DIP2A: variants seen among roughly 807,000 people sequenced by gnomAD.
The protein encoded by DIP2A is disco-interacting protein 2 homolog A.
DIP2A carries 85 observed loss-of-function variants against 177.4 expected under a neutral mutation model. The observed-to-expected ratio is 0.48, with a 90% CI of 0.40 to 0.57. The LOEUF (loss-of-function observed/expected upper bound fraction) is 0.57. Ranked by LOEUF, DIP2A falls within the 20% of genes least tolerant of loss-of-function variation. DIP2A has a pLI of 0.00. For synonymous variants in DIP2A, 886 were observed against 881.8 expected, an observed-to-expected ratio of 1.00 and a Z score of -0.08; for missense variants, 1,791 against 2,100.2, an observed-to-expected ratio of 0.85 and a Z score of 2.88.
rs1168661596 is a variant in DIP2A at position 46,557,513 on chromosome 21, G to A, written c.3630-72G>A. 20 of 1,504,114 alleles carry A rather than the reference G, an allele frequency of 1.3e-5. No homozygotes were observed. The highest frequency in any genetic ancestry group is 1.8e-5 in the Non-Finnish European group (20 of 1,114,906). 93.2% of individuals were successfully genotyped at this position (1,504,114 alleles called of 1,614,324 possible). A position where few individuals can be genotyped will look rare whatever the true frequency, so the allele number is the denominator to read the frequency against. ...TTGTGGCTGGAAAAGAAGTGTTCTTGAGGAAGGGAAGAGTGGAGTGCCCAG... is the reference window on the plus strand; with the variant it reads ...TTGTGGCTGGAAAAGAAGTGTTCTTAAGGAAGGGAAGAGTGGAGTGCCCAG... On this transcript the variant is annotated intron_variant, in intron 30 of 37. Transcript: ENST00000417564. The surrounding 1 kb of genome is among the most constrained non-coding windows in gnomAD (Gnocchi z 6.0).
chr21:46,486,865 A>G (rs1414037413), intron 2 of DIP2A, among the ~76,000 whole-genome samples: 1 of 152,244 alleles, frequency 6.6e-6, no homozygotes, highest in Non-Finnish European at 1.5e-5. Flanking sequence ...TCAAATACCC[A>G]TCAACAGAAT....
intron 12 of DIP2A, 54 bp downstream of exon 12, chr21:46,534,167 T>A: frequency 1.4e-6 from 2 of 1,417,404 alleles, no homozygotes; most frequent in Non-Finnish European, 2.0e-6. Flanking sequence ...CAGGCTTAAG[T>A]CTTGCTTTTC....
chr21:46,484,744 ATTG>A lies in DIP2A; in HGVS notation c.92-7_92-5del. ...TAGAAGAAATGCAATTCTTTTTTCC[ATTG>A]TTGTTTTAGGTGACATCACTCAAAA... On this transcript the variant is annotated splice_polypyrimidine_tract_variant and intron_variant, in intron 1 of 37. Coordinates refer to ENST00000417564, the MANE Select transcript of DIP2A (RefSeq NM_015151.4). The A allele has an allele frequency of 6.5e-7, 1 of 1,547,078 alleles. No homozygotes were observed. Among genetic ancestry groups the A allele is most frequent in the Non-Finnish European group, 8.7e-7 (1 of 1,149,268 alleles).
intron 8 of DIP2A, among the ~76,000 whole-genome samples, chr21:46,514,748 G>A (rs1157895463): frequency 6.7e-6 from 1 of 149,522 alleles, no homozygotes; most frequent in Admixed American, 6.7e-5. Context: ...AAAGCCTGTG[G>A]TAATTAAGTA....
intron 18 of DIP2A, among the ~76,000 whole-genome samples, chr21:46,543,550 G>GGCACCTCCCCAGGCATGCACGCA (rs1555907308): frequency 4.0e-5 from 6 of 149,260 alleles, no homozygotes; most frequent in African/African-American, 1.5e-4. Context: ...CGCTCCCCCA[G>GGCACCTCCCCAGGCATGCACGCA]GCACTCCCCC....
At chr21:46,489,485 G>A (rs2056886290) in intron 2 of DIP2A, among the ~76,000 whole-genome samples, 1 of 152,146 alleles carries the variant, frequency 6.6e-6, no homozygotes, top group Non-Finnish European at 1.5e-5. Context: ...CCCTCCACTG[G>A]GGGGCTTAAC....
chr21:46,546,136 A>G lies in DIP2A; in HGVS notation c.2394+175A>G, dbSNP rs1169858509. 2.1e-6 allele frequency: 3 copies of G among 1,450,116 alleles called. No individual in the cohort carries two copies. The African/African-American group carries it at 4.2e-5, about 20-fold the overall frequency. The allele number at this position is 1,450,116 out of a possible 1,614,324, so 89.8% of individuals were successfully genotyped here. On this transcript the variant is annotated intron_variant, in intron 20 of 37. Coordinates refer to ENST00000417564, the MANE Select transcript of DIP2A (RefSeq NM_015151.4). ...CCTACCTGTGTGCAGGGCCATCCAC[A>G]CCTCCGAGACTGGTGCACAGTCCTG...
chr21:46,583,280 A>G, the DIP2A span, among the ~76,000 whole-genome samples: 38,772 of 152,158 alleles, frequency 0.25, 5,382 homozygotes, highest in East Asian at 0.32. Context: ...GGAGACTTCA[A>G]TGTCTCACTT....
chr21:46,540,325 G>A (rs996646194), intron 17 of DIP2A, among the ~76,000 whole-genome samples: 11 of 152,298 alleles, frequency 7.2e-5, no homozygotes, highest in South Asian at 2.1e-4. Flanking sequence ...TCGGTCAGCC[G>A]TGGAGTCTGT....
intron 7 of DIP2A, among the ~76,000 whole-genome samples, chr21:46,510,425 T>C: frequency 6.6e-6 from 1 of 152,114 alleles, no homozygotes; most frequent in East Asian, 1.9e-4. Context: ...CATCCTTCAA[T>C]CCCATCAAGT....
In DIP2A at chr21:46,537,457, C is replaced by G; in HGVS notation, c.1719C>G (p.Asn573Lys). 1 of 1,614,192 alleles carries G rather than the reference C, an allele frequency of 6.2e-7. No individual in the cohort carries two copies. The highest frequency in any genetic ancestry group is 1.1e-5 in the South Asian group (1 of 91,084). Residue 573 changes from asparagine (N) to lysine (K), a missense_variant, in exon 15 of 38, where the codon AAC becomes AAG. Coordinates refer to ENST00000417564, the MANE Select transcript of DIP2A (RefSeq NM_015151.4). The surrounding 1 kb of genome is among the most constrained non-coding windows in gnomAD (Gnocchi z 4.1). ...LWHGVLTSVMNRMHVVSVPYA... is the reference protein window; with the variant it reads ...LWHGVLTSVMKRMHVVSVPYA... Reference sequence around the variant, plus strand: ...GTGCTCCCCCACAGAGCGTCATGAACAGGATGCACGTGGTCAGCGTCCCCT... The same window carrying G: ...GTGCTCCCCCACAGAGCGTCATGAAGAGGATGCACGTGGTCAGCGTCCCCT...
chr21:46,475,646 TTG>T (rs1359984848), intron 1 of DIP2A, among the ~76,000 whole-genome samples: 4 of 152,240 alleles, frequency 2.6e-5, no homozygotes, highest in African/African-American at 4.8e-5. Flanking sequence ...TACCAAAAAC[TTG>T]TGTGAGTCAT....
chr21:46,502,324 A>T (rs1824821325), intron 5 of DIP2A, among the ~76,000 whole-genome samples: 1 of 149,902 alleles, frequency 6.7e-6, no homozygotes, highest in South Asian at 2.1e-4. Context: ...AAGAGATGGG[A>T]GCTCACTATG....
intron 23 of DIP2A, 76 bp from the exon 24 acceptor site, chr21:46,551,558 A>G: frequency 7.7e-7 from 1 of 1,290,952 alleles, no homozygotes; most frequent in Non-Finnish European, 1.1e-6. Flanking sequence ...TTCAAAATAA[A>G]AATTGTAAAT....
At chr21:46,502,728 G>A (rs907396797) in intron 5 of DIP2A, among the ~76,000 whole-genome samples, 1 of 152,124 alleles carries the variant, frequency 6.6e-6, no homozygotes, top group African/African-American at 2.4e-5. Context: ...GATTACAGGT[G>A]TGAGCTACCA....
intron 2 of DIP2A, 92 bp downstream of exon 2, chr21:46,484,920 C>A: frequency 8.1e-7 from 1 of 1,238,548 alleles, no homozygotes; most frequent in Non-Finnish European, 1.1e-6. Flanking sequence ...CATTTGTTAG[C>A]AATGTTAAAC....
chr21:46,490,521 A>C, intron 2 of DIP2A, 79 bp from the exon 3 acceptor site: 4 of 1,454,318 alleles, frequency 2.8e-6, no homozygotes, highest in Non-Finnish European at 3.7e-6. Context: ...TGAGAAATGT[A>C]AGCTGTTTTC....
chr21:46,476,171 A>G (rs2055827509), intron 1 of DIP2A, among the ~76,000 whole-genome samples: 1 of 151,460 alleles, frequency 6.6e-6, no homozygotes, highest in Non-Finnish European at 1.5e-5. Context: ...TGAACCCGGG[A>G]GGCGGAGCTT....
At position 46,543,196 on chromosome 21, in the gene DIP2A, C is replaced by T. The variant is rs148734595; in HGVS notation, c.2176+1301C>T. Among the ~76,000 whole-genome samples the T allele has an allele frequency of 5.5e-3, 838 of 152,002 alleles. 5 individuals are homozygous for T. Among genetic ancestry groups the T allele is most frequent in the African/African-American group, 0.019 (799 of 41,324 alleles). On this transcript the variant is annotated intron_variant, in intron 18 of 37. Transcript: ENST00000417564. ...GAGAAATAGAACAGTCAGTCTTGCA[C>T]GGTGCTTGAACCTGTCGTAAAACAT...
Sources: gnomAD v4.1 joint callset for allele counts (sites outside exome capture counted in the v4.1 genomes callset) on GRCh38, gnomAD v4.1.1 for gene constraint, Gnocchi (gnomAD v3.1) non-coding constraint, MANE v1.5 for transcripts, NCBI Gene and HGNC (gene_info 2026-07-23, HGNC 2026-07-21) for gene names.